Variants in COL14A1 observed in about 807,000 individuals in gnomAD.
The protein encoded by COL14A1 is collagen type XIV alpha 1 chain, also known as collagen alpha-1(XIV) chain.
A neutral mutation model predicts 230.3 loss-of-function variants in COL14A1; 136 were observed. The observed-to-expected ratio is 0.59, with a 90% CI of 0.51 to 0.68. The LOEUF (loss-of-function observed/expected upper bound fraction) is 0.68. COL14A1 is among the 30% of genes least tolerant of loss of function. The probability of loss-of-function intolerance (pLI) is 0.00; values close to 1 mark genes in which losing one functional copy is unlikely to be tolerated. For missense variants in COL14A1, 1,976 were observed against 2,215.8 expected, an observed-to-expected ratio of 0.89 and a Z score of 2.17; for synonymous variants, 792 against 784.1, an observed-to-expected ratio of 1.01 and a Z score of -0.17.
rs1815713404 is a variant in COL14A1, at chr8:120,162,501, A to T, written c.281A>T (p.Asn94Ile). ...AIIQGLMPDQ[N>I]YTVQIIAYNK... ...ATTCAAGGCCTTATGCCAGACCAGAATTACACAGTTCAAATTATTGCATAC... is the reference window on the plus strand; with the variant it reads ...ATTCAAGGCCTTATGCCAGACCAGATTTACACAGTTCAAATTATTGCATAC... Residue 94 changes from asparagine to isoleucine, a missense_variant, in exon 4 of 48, where the codon AAT becomes ATT. Asn to Ile is a moderately radical substitution (Grantham distance 149). Around this residue, in one of 3 missense-constraint regions of COL14A1, gnomAD observed 181 missense variants for 178.6 expected, o/e 1.01. Transcript: ENST00000297848. The T allele has an allele frequency of 6.2e-7, 1 of 1,613,290 alleles. No homozygotes were observed. Among genetic ancestry groups the T allele is most frequent in the African/African-American group, 1.3e-5 (1 of 75,042 alleles).
intron 5 of COL14A1, among the ~76,000 whole-genome samples, chr8:120,192,732 G>A (rs949687502): frequency 1.2e-3 from 178 of 152,198 alleles, no homozygotes; most frequent in Non-Finnish European, 2.0e-3. Context: ...TTTCTTGGAG[G>A]CTTTGTTCAT....
At chr8:120,229,082 T>C (rs893110066) in intron 18 of COL14A1, among the ~76,000 whole-genome samples, 23 of 133,168 alleles carry the variant, frequency 1.7e-4, no homozygotes, top group African/African-American at 6.6e-4. Context: ...CTCCTCTTTT[T>C]TTTTTCTTTT....
At chr8:120,147,272 A>T (rs568909526) in intron 1 of COL14A1, among the ~76,000 whole-genome samples, 1 of 152,262 alleles carries the variant, frequency 6.6e-6, no homozygotes, top group South Asian at 2.1e-4. Context: ...AAAAAGAAGA[A>T]CTATGAGAAA....
At chr8:120,297,446 T>C in intron 34 of COL14A1, 65 bp from the exon 35 acceptor site, 2 of 826,038 alleles carry the variant, frequency 2.4e-6, no homozygotes, top group East Asian at 3.3e-5. Context: ...ATACATAACA[T>C]AAAATCATTA....
At chr8:120,323,031 T>C (rs1168068942) in intron 40 of COL14A1, among the ~76,000 whole-genome samples, 1 of 152,210 alleles carries the variant, frequency 6.6e-6, no homozygotes, top group Non-Finnish European at 1.5e-5. Context: ...AGTGTAAAAG[T>C]GTTCCTTTTT....
chr8:120,348,415 T>C (rs1822612422), intron 45 of COL14A1, among the ~76,000 whole-genome samples: 2 of 151,670 alleles, frequency 1.3e-5, no homozygotes, highest in South Asian at 4.1e-4. Context: ...GCATTCTAAG[T>C]GAATTGACTC....
At chr8:120,333,011 A>G (rs996442141) in intron 42 of COL14A1, among the ~76,000 whole-genome samples, 1 of 152,212 alleles carries the variant, frequency 6.6e-6, no homozygotes, top group African/African-American at 2.4e-5. Flanking sequence ...GGCTAAGCAA[A>G]CTCAATATCA....
intron 45 of COL14A1, among the ~76,000 whole-genome samples, chr8:120,358,747 A>C (rs1262232664): frequency 2.0e-5 from 3 of 152,138 alleles, no homozygotes; most frequent in Non-Finnish European, 4.4e-5. Flanking sequence ...AACATAAGTA[A>C]AATGGAAATA....
chr8:120,250,826 G>A, intron 22 of COL14A1, 60 bp downstream of exon 22: 1 of 1,585,928 alleles, frequency 6.3e-7, no homozygotes, highest in Middle Eastern at 1.8e-4. Context: ...TTTGTTTTTT[G>A]AGATGGAGTC....
intron 1 of COL14A1, among the ~76,000 whole-genome samples, chr8:120,127,363 C>T (rs891576408): frequency 2.6e-5 from 4 of 152,172 alleles, no homozygotes; most frequent in Non-Finnish European, 5.9e-5. Flanking sequence ...AAAGGACAGG[C>T]GCCCCACTGG....
At chr8:120,202,172 T>C (rs1349923812) in intron 8 of COL14A1, among the ~76,000 whole-genome samples, 1 of 152,218 alleles carries the variant, frequency 6.6e-6, no homozygotes, top group African/African-American at 2.4e-5. Flanking sequence ...ATTTATATGT[T>C]TATTCTCCAT....
At position 120,334,134 on chromosome 8, in the gene COL14A1, G is replaced by A. The variant is rs1391823269; in HGVS notation, c.4785+1399G>A. Among the ~76,000 whole-genome samples the A allele has an allele frequency of 3.3e-5, 5 of 152,190 alleles. No homozygotes were observed. The East Asian group carries it at 5.8e-4, about 18-fold the overall frequency. On this transcript the variant is annotated intron_variant, in intron 42 of 47. Coordinates refer to ENST00000297848, the MANE Select transcript of COL14A1 (RefSeq NM_021110.4). ...CTCATTCAGAAAGTGGCCTCTCTTC[G>A]TCTAGCAACCCAGATAGTCTTGTTC...
At chr8:120,357,830 A>G (rs923868642) in intron 45 of COL14A1, among the ~76,000 whole-genome samples, 1 of 152,126 alleles carries the variant, frequency 6.6e-6, no homozygotes, top group Non-Finnish European at 1.5e-5. Context: ...GTAGGTTTTC[A>G]GAGGGAAACG....
At chr8:120,266,227 G>A (rs1386737612) in intron 24 of COL14A1, among the ~76,000 whole-genome samples, 3 of 151,964 alleles carry the variant, frequency 2.0e-5, no homozygotes, top group African/African-American at 7.2e-5. Flanking sequence ...CTTTAACCAA[G>A]CCATACCTCT....
chr8:120,327,921 C>T (rs1345271282), intron 40 of COL14A1, among the ~76,000 whole-genome samples: 3 of 151,946 alleles, frequency 2.0e-5, no homozygotes, highest in South Asian at 2.1e-4. Flanking sequence ...TGAGCCACCA[C>T]GCCTGGCTAA....
intron 21 of COL14A1, among the ~76,000 whole-genome samples, chr8:120,248,263 C>T (rs1425713802): frequency 6.6e-6 from 1 of 152,008 alleles, no homozygotes; most frequent in African/African-American, 2.4e-5. Flanking sequence ...TCTTAGCCAC[C>T]TCCATAAGAG....
rs1818268600 is a variant in COL14A1, at chr8:120,231,576, C to T, written c.2307C>T (p.Tyr769=). The T allele has an allele frequency of 1.9e-6, 3 of 1,614,000 alleles. No homozygotes were observed. The highest frequency in any genetic ancestry group is 2.5e-6 in the Non-Finnish European group (3 of 1,179,964). ...DSDVQQFRVT[Y]MTAQGDPEEE... Reference sequence around the variant, plus strand: ...ATGTGCAGCAGTTTAGGGTGACCTACATGACAGCTCAAGGGGACCCTGAGG... The same window carrying T: ...ATGTGCAGCAGTTTAGGGTGACCTATATGACAGCTCAAGGGGACCCTGAGG... The change falls in exon 19 of 48, where the codon TAC becomes TAT. Residue 769 remains tyrosine, a synonymous_variant. Coordinates refer to ENST00000297848, the MANE Select transcript of COL14A1 (RefSeq NM_021110.4).
chr8:120,337,916 T>A (rs1156761349), intron 42 of COL14A1, among the ~76,000 whole-genome samples: 1 of 152,246 alleles, frequency 6.6e-6, no homozygotes, highest in Non-Finnish European at 1.5e-5. Context: ...TCACTGAGAC[T>A]GCCTAGCTGC....
chr8:120,147,929 A>G lies in COL14A1; in HGVS notation c.87A>G (p.Gln29=). ...IVYFCTIVQG[Q]VAPPTRLRYN... is the part of the protein sequence containing the mutation. ...ATTTCTGCACCATTGTCCAAGGTCA[A>G]GGTAATTGAAAACTTTGAGAATCAG... The change falls in exon 2 of 48, where the codon CAA becomes CAG. Residue 29 remains glutamine, a splice_region_variant and synonymous_variant. Coordinates refer to ENST00000297848, the MANE Select transcript of COL14A1 (RefSeq NM_021110.4). 3 of 1,611,580 alleles carry G rather than the reference A, an allele frequency of 1.9e-6. No homozygotes were observed. Among genetic ancestry groups the G allele is most frequent in the Non-Finnish European group, 2.5e-6 (3 of 1,178,070 alleles).
Sources: allele counts gnomAD v4.1 joint callset (sites outside exome capture counted in the v4.1 genomes callset), GRCh38; gene constraint gnomAD v4.1.1; regional missense constraint gnomAD v4.1.1; transcripts MANE v1.5; gene names NCBI Gene and HGNC (gene_info 2026-07-23, HGNC 2026-07-21).